PIP5K1B: variants seen among roughly 807,000 people sequenced by gnomAD.
PIP5K1B encodes phosphatidylinositol-4-phosphate 5-kinase type 1 beta, also known as phosphatidylinositol 4-phosphate 5-kinase type-1 beta.
Under a neutral mutation model 67.0 loss-of-function variants are expected in PIP5K1B, and 42 were observed. The observed-to-expected ratio is 0.63, with a 90% confidence interval of 0.49 to 0.81. The LOEUF (loss-of-function observed/expected upper bound fraction) is 0.81. Among genes scored for constraint, PIP5K1B ranks in the 30% least tolerant of loss-of-function variants. The pLI is 0.00. For missense variants in PIP5K1B, 459 were observed against 646.3 expected, an observed-to-expected ratio of 0.71 and a Z score of 3.14; for synonymous variants, 214 against 231.4, an observed-to-expected ratio of 0.92 and a Z score of 0.68.
chr9:68,938,647 G>A (rs1827398221), intron 13 of PIP5K1B, among the ~76,000 whole-genome samples: 2 of 152,134 alleles, frequency 1.3e-5, no homozygotes, highest in South Asian at 4.1e-4. Context: ...ATGCTAGCTG[G>A]TTGTTTTGAG....
At chr9:68,810,691 T>G (rs1833115496) in intron 2 of PIP5K1B, among the ~76,000 whole-genome samples, 2 of 152,196 alleles carry the variant, frequency 1.3e-5, no homozygotes, top group South Asian at 2.1e-4. Context: ...GACTCACATA[T>G]GGCCCCCAGG....
chr9:68,874,791 T>C (rs1054014340), intron 5 of PIP5K1B, among the ~76,000 whole-genome samples: 1 of 152,066 alleles, frequency 6.6e-6, no homozygotes, highest in East Asian at 1.9e-4. Flanking sequence ...AGAGAAGAAA[T>C]TGGCAACACT....
chr9:68,876,357 C>T (rs1301391151), intron 5 of PIP5K1B, among the ~76,000 whole-genome samples: 1 of 152,112 alleles, frequency 6.6e-6, no homozygotes, highest in Non-Finnish European at 1.5e-5. Context: ...AGATCTTTTA[C>T]CCAAAGCATT....
At chr9:68,737,609 C>T (rs1164967413) in intron 1 of PIP5K1B, among the ~76,000 whole-genome samples, 1 of 152,218 alleles carries the variant, frequency 6.6e-6, no homozygotes, top group African/African-American at 2.4e-5. Flanking sequence ...AGTTAGCAGG[C>T]ATCATCTTTG....
At chr9:68,938,169 C>T (rs1422532032) in intron 13 of PIP5K1B, among the ~76,000 whole-genome samples, 5 of 152,118 alleles carry the variant, frequency 3.3e-5, no homozygotes, top group Non-Finnish European at 5.9e-5. Context: ...TTTTCTGTCT[C>T]GTTGATCTGT....
chr9:68,916,736 G>A (rs1826113745), intron 8 of PIP5K1B, among the ~76,000 whole-genome samples: 1 of 152,084 alleles, frequency 6.6e-6, no homozygotes, highest in African/African-American at 2.4e-5. Flanking sequence ...GCTGGGTGTG[G>A]TGGCGGGCAC....
chr9:68,839,176 A>G lies in PIP5K1B; in HGVS notation c.69+16493A>G, dbSNP rs149194049. On this transcript the variant is annotated intron_variant, in intron 4 of 15. Coordinates refer to ENST00000265382, the MANE Select transcript of PIP5K1B (RefSeq NM_003558.4). ...TTTGCCTGAAAGTCTGTGCTTTTTC[A>G]TCTCTGTTTTCCTTTTATTGAGAAT... Among the ~76,000 whole-genome samples, 312 of 152,238 alleles carry G rather than the reference A, an allele frequency of 2.0e-3. 2 individuals carry two copies. Among genetic ancestry groups the G allele is most frequent in the African/African-American group, 7.2e-3 (300 of 41,540 alleles).
At chr9:69,006,449 C>T (rs1831081253) in intron 15 of PIP5K1B, among the ~76,000 whole-genome samples, 1 of 152,158 alleles carries the variant, frequency 6.6e-6, no homozygotes, top group Non-Finnish European at 1.5e-5. Flanking sequence ...TTCCACTCAC[C>T]TCCCGACCCC....
chr9:68,846,899 G>A (rs10869403), intron 4 of PIP5K1B, among the ~76,000 whole-genome samples: 48,185 of 151,970 alleles, frequency 0.32, 7,778 homozygotes, highest in East Asian at 0.39. Flanking sequence ...TTTCTTCTAG[G>A]CCTGTTTCAC....
At chr9:68,733,072 C>T (rs13296679) in intron 1 of PIP5K1B, among the ~76,000 whole-genome samples, 32,861 of 151,974 alleles carry the variant, frequency 0.22, 3,712 homozygotes, top group East Asian at 0.32. Context: ...AGGTGTGGGC[C>T]GCAAGGTGAT....
chr9:68,868,740 G>A (rs1823479864), intron 5 of PIP5K1B, among the ~76,000 whole-genome samples: 1 of 152,204 alleles, frequency 6.6e-6, no homozygotes, highest in African/African-American at 2.4e-5. Context: ...TTAAAAGCTG[G>A]TGGTAAAAGT....
At chr9:68,833,015 T>C (rs1834400129) in intron 4 of PIP5K1B, among the ~76,000 whole-genome samples, 1 of 152,238 alleles carries the variant, frequency 6.6e-6, no homozygotes, top group South Asian at 2.1e-4. Context: ...CATGTACTCA[T>C]TCATTTCTCC....
intron 14 of PIP5K1B, among the ~76,000 whole-genome samples, chr9:68,941,861 C>T (rs528606707): frequency 6.6e-6 from 1 of 152,204 alleles, no homozygotes; most frequent in Non-Finnish European, 1.5e-5. Flanking sequence ...TATAGGAATT[C>T]TTTTTTGTTG....
In PIP5K1B at chr9:68,705,703, T is replaced by C. The variant is rs1190423664; in HGVS notation, c.-302T>C. ...GGGGAAGCGACAACGTCCCGATAAC[T>C]TGCAGACTGTGGCGCAACTGGTCTT... On this transcript the variant is annotated 5_prime_UTR_variant, in exon 1 of 16. Transcript: ENST00000265382. 1.3e-5 allele frequency: 2 copies of C among 149,824 alleles called. No homozygotes were observed. The highest frequency in any genetic ancestry group is 3.0e-5 in the Non-Finnish European group (2 of 67,546). The allele number at this position is 149,824 out of a possible 1,614,324, so 9.3% of individuals were successfully genotyped here. A position where few individuals can be genotyped will look rare whatever the true frequency, so the allele number is the denominator to read the frequency against.
intron 14 of PIP5K1B, among the ~76,000 whole-genome samples, chr9:68,970,407 G>A (rs1829297158): frequency 1.3e-5 from 2 of 152,108 alleles, no homozygotes; most frequent in Admixed American, 1.3e-4. Context: ...TTACCACTAG[G>A]GTTTGGTTGT....
At chr9:68,978,305 T>C (rs910765699) in intron 14 of PIP5K1B, among the ~76,000 whole-genome samples, 4 of 152,250 alleles carry the variant, frequency 2.6e-5, no homozygotes, top group Non-Finnish European at 2.9e-5. Flanking sequence ...CCAGTAACTA[T>C]CATTCTAGTC....
intron 4 of PIP5K1B, among the ~76,000 whole-genome samples, chr9:68,848,389 C>T (rs1822304733): frequency 6.6e-6 from 1 of 152,174 alleles, no homozygotes; most frequent in Non-Finnish European, 1.5e-5. Context: ...GGCACAATTG[C>T]AGTTTCTCCA....
At chr9:68,943,766 G>A (rs1827672953) in intron 14 of PIP5K1B, among the ~76,000 whole-genome samples, 1 of 152,166 alleles carries the variant, frequency 6.6e-6, no homozygotes, top group South Asian at 2.1e-4. Flanking sequence ...AAAGTGGTCT[G>A]TTTTCCGATT....
chr9:68,761,740 C>A (rs1174211591), intron 2 of PIP5K1B, among the ~76,000 whole-genome samples: 2 of 152,092 alleles, frequency 1.3e-5, no homozygotes, highest in African/African-American at 4.8e-5. Context: ...TTGTGCCTCC[C>A]TCTTAAAAGA....
Sources: allele counts gnomAD v4.1 joint callset (sites outside exome capture counted in the v4.1 genomes callset), GRCh38; gene constraint gnomAD v4.1.1; transcripts MANE v1.5; gene names NCBI Gene and HGNC (gene_info 2026-07-23, HGNC 2026-07-21).